GRM7: variants seen among roughly 807,000 people sequenced by gnomAD.
The protein encoded by GRM7 is metabotropic glutamate receptor 7.
In GRM7, 35 loss-of-function variants were observed where a neutral mutation model predicts 84.5. That is an observed-to-expected ratio of 0.41 (90% CI 0.32 to 0.55). The LOEUF is 0.55. Among genes scored for constraint, GRM7 ranks in the 20% least tolerant of loss-of-function variants. The pLI is 0.19. For missense variants in GRM7, 1,003 were observed against 1,194.6 expected, an observed-to-expected ratio of 0.84 and a Z score of 2.36; for synonymous variants, 487 against 455.1, an observed-to-expected ratio of 1.07 and a Z score of -0.89.
chr3:6,932,105 C>A (rs1396815024), intron 1 of GRM7, among the ~76,000 whole-genome samples: 1 of 152,162 alleles, frequency 6.6e-6, no homozygotes, highest in African/African-American at 2.4e-5. Flanking sequence ...AAAAGTTAAA[C>A]ACTGCAACAA....
Position 7,541,678 on chromosome 3 carries a change from C to T in GRM7, c.1516-36744C>T, listed in dbSNP as rs141347359. On this transcript the variant is annotated intron_variant, in intron 7 of 9. Transcript: ENST00000357716. ...ATTGTGACAACCTTAATCCAATCGA[C>T]GATCTCAGCTACTACAAATCTCCAG... 6.1e-3 allele frequency among the ~76,000 whole-genome samples: 928 copies of T among 152,304 alleles called. 6 individuals carry two copies. The highest frequency in any genetic ancestry group is 0.014 in the South Asian group (69 of 4,830).
chr3:7,648,654 GA>G (rs749572979), intron 8 of GRM7, among the ~76,000 whole-genome samples: 172 of 129,908 alleles, frequency 1.3e-3, no homozygotes, highest in Non-Finnish European at 1.6e-3. Context: ...GTCTCAAAAA[GA>G]AAAAAAAAAA....
chr3:7,629,090 A>G (rs912547412), intron 8 of GRM7, among the ~76,000 whole-genome samples: 5 of 152,234 alleles, frequency 3.3e-5, no homozygotes, highest in Non-Finnish European at 7.3e-5. Flanking sequence ...TGTAAAAAAA[A>G]GGAGATAACT....
intron 8 of GRM7, among the ~76,000 whole-genome samples, chr3:7,667,049 T>C (rs1442028923): frequency 6.6e-6 from 1 of 152,032 alleles, no homozygotes; most frequent in Non-Finnish European, 1.5e-5. Context: ...CTAGAGATGA[T>C]AAACATCAGA....
chr3:7,447,086 C>T (rs1001556749), intron 5 of GRM7, among the ~76,000 whole-genome samples: 15 of 151,854 alleles, frequency 9.9e-5, no homozygotes, highest in African/African-American at 2.9e-4. Flanking sequence ...AATCGGGAGA[C>T]GTGAAAAGTT....
intron 5 of GRM7, among the ~76,000 whole-genome samples, chr3:7,436,908 C>T (rs188476561): frequency 7.0e-6 from 1 of 143,162 alleles, no homozygotes; most frequent in African/African-American, 2.5e-5. Flanking sequence ...ATATTCTGGC[C>T]TCAGGTCTTT....
At chr3:7,426,738 G>A (rs1696626326) in intron 5 of GRM7, among the ~76,000 whole-genome samples, 1 of 152,108 alleles carries the variant, frequency 6.6e-6, no homozygotes, top group African/African-American at 2.4e-5. Flanking sequence ...ACATATCTGT[G>A]GATCCCCATC....
At chr3:7,109,549 C>T (rs1692772890) in intron 1 of GRM7, among the ~76,000 whole-genome samples, 1 of 152,144 alleles carries the variant, frequency 6.6e-6, no homozygotes. Flanking sequence ...ACTTACTGTC[C>T]AGGAATGGGT....
At chr3:6,908,061 C>T (rs1696641639) in intron 1 of GRM7, among the ~76,000 whole-genome samples, 1 of 152,030 alleles carries the variant, frequency 6.6e-6, no homozygotes, top group Admixed American at 6.6e-5. Context: ...AAAAAAATAG[C>T]TAATATCGTT....
At chr3:7,669,584 C>T (rs986178849) in intron 8 of GRM7, among the ~76,000 whole-genome samples, 1 of 152,188 alleles carries the variant, frequency 6.6e-6, no homozygotes, top group East Asian at 1.9e-4. Context: ...TCCTGCCTCT[C>T]AGGGTCTGGC....
Position 7,414,975 on chromosome 3 carries a change from G to A in GRM7, c.1034-48G>A, listed in dbSNP as rs368750937. Reference sequence around the variant, plus strand: ...CACTTTTATTTTTATTTCTGAATGTGCCAGCAGTGCCCCGCAAGCAATGAC... The same window carrying A: ...CACTTTTATTTTTATTTCTGAATGTACCAGCAGTGCCCCGCAAGCAATGAC... On this transcript the variant is annotated intron_variant, in intron 4 of 9. Coordinates refer to ENST00000357716, the MANE Select transcript of GRM7 (RefSeq NM_000844.4). 11 of 1,478,692 alleles carry A rather than the reference G, an allele frequency of 7.4e-6. No homozygotes were observed. In the South Asian group the frequency reaches 9.0e-5, roughly 12 times the overall value. 91.6% of individuals were successfully genotyped at this position (1,478,692 alleles called of 1,614,324 possible).
intron 7 of GRM7, among the ~76,000 whole-genome samples, chr3:7,464,433 A>G (rs1037818258): frequency 6.6e-6 from 1 of 152,210 alleles, no homozygotes; most frequent in African/African-American, 2.4e-5. Context: ...TGTGAATCAT[A>G]ATTATAAAAC....
chr3:6,888,283 G>A (rs537136427), intron 1 of GRM7, among the ~76,000 whole-genome samples: 1 of 152,178 alleles, frequency 6.6e-6, no homozygotes, highest in African/African-American at 2.4e-5. Context: ...TGCTTTTGGT[G>A]TTTTAGACAT....
chr3:7,199,144 A>C (rs572494473), intron 2 of GRM7, among the ~76,000 whole-genome samples: 3 of 152,114 alleles, frequency 2.0e-5, no homozygotes, highest in Non-Finnish European at 4.4e-5. Context: ...TGATTCATAG[A>C]AGGTTGTGGA....
At chr3:7,317,293 G>C (rs1236892248) in intron 4 of GRM7, among the ~76,000 whole-genome samples, 1 of 135,518 alleles carries the variant, frequency 7.4e-6, no homozygotes, top group Non-Finnish European at 1.5e-5. Context: ...GCATACCACA[G>C]ACCTTAAGGA....
chr3:6,977,134 A>G (rs540004820), intron 1 of GRM7, among the ~76,000 whole-genome samples: 3 of 152,270 alleles, frequency 2.0e-5, no homozygotes, highest in Admixed American at 6.5e-5. Context: ...AGTTGTGGCG[A>G]AACCAAGTGT....
chr3:7,347,868 G>A (rs748029001), intron 4 of GRM7, among the ~76,000 whole-genome samples: 4 of 152,172 alleles, frequency 2.6e-5, no homozygotes, highest in Middle Eastern at 3.4e-3. Flanking sequence ...GACTTCAGTC[G>A]GTTCTCTGGA....
chr3:7,415,804 C>A (rs1392407683), intron 5 of GRM7, among the ~76,000 whole-genome samples: 1 of 152,102 alleles, frequency 6.6e-6, no homozygotes, highest in African/African-American at 2.4e-5. Context: ...AAGTGAGAAT[C>A]CTCCCTCTAT....
chr3:7,734,098 C>T (rs576914812), intron 9 of GRM7, among the ~76,000 whole-genome samples: 1 of 152,318 alleles, frequency 6.6e-6, no homozygotes, highest in East Asian at 1.9e-4. Flanking sequence ...CACATTTTCT[C>T]TAAGGTTATC....
Sources: allele counts gnomAD v4.1 joint callset (sites outside exome capture counted in the v4.1 genomes callset), GRCh38; gene constraint gnomAD v4.1.1; transcripts MANE v1.5; gene names NCBI Gene and HGNC (gene_info 2026-07-23, HGNC 2026-07-21).